The following FAAH2 variants were observed in gnomAD, a reference collection of about 807,000 sequenced individuals.
The protein encoded by FAAH2 is fatty-acid amide hydrolase 2.
Under a neutral mutation model 36.9 loss-of-function variants are expected in FAAH2, and 60 were observed. That is an observed-to-expected ratio of 1.63 (90% CI 1.32 to 2.02). The LOEUF is 2.02. FAAH2 is among the 30% of genes most tolerant of loss of function. FAAH2 has a pLI of 0.00. For missense variants in FAAH2, 689 were observed against 397.5 expected (o/e 1.73, Z -6.23); for synonymous variants, 214 against 143.8 (o/e 1.49, Z -3.49).
the FAAH2 span, among the ~76,000 whole-genome samples, chrX:57,149,267 C>T: frequency 9.0e-6 from 1 of 111,513 alleles, no homozygotes; most frequent in Non-Finnish European, 1.9e-5. Flanking sequence ...TGATGCTGGC[C>T]TTATAAAATG....
rs147482120 is a variant in FAAH2 at position 57,346,979 on chromosome X, T to C, written c.742+5589T>C. The stretch of plus-strand genomic sequence containing the variant: ...TTGAAAGTGACATGACCTTTTCCCT[T>C]ACTTGCCTTTAAGGATTTTACTTTT... On this transcript the variant is annotated intron_variant, in intron 5 of 10. Coordinates refer to ENST00000374900, the MANE Select transcript of FAAH2 (RefSeq NM_174912.4). Among the ~76,000 whole-genome samples, 365 of 111,075 alleles carry C rather than the reference T, an allele frequency of 3.3e-3. 1 individual carries two copies. Among genetic ancestry groups the C allele is most frequent in the Non-Finnish European group, 5.9e-3 (311 of 52,936 alleles).
intron 2 of FAAH2, among the ~76,000 whole-genome samples, chrX:57,299,578 T>G (rs2052272084): frequency 8.9e-6 from 1 of 111,931 alleles, no homozygotes; most frequent in African/African-American, 3.3e-5. Flanking sequence ...CCACTCCTAT[T>G]CAACATAGTG....
chrX:57,262,304 C>A, the FAAH2 span, among the ~76,000 whole-genome samples: 1 of 111,119 alleles, frequency 9.0e-6, no homozygotes, highest in Admixed American at 9.6e-5. Context: ...CTTCAAAACA[C>A]ACTTGAAATA....
the FAAH2 span, among the ~76,000 whole-genome samples, chrX:57,144,291 C>T: frequency 9.0e-6 from 1 of 110,914 alleles, no homozygotes; most frequent in Non-Finnish European, 1.9e-5. Context: ...TTGCAGTCAT[C>T]TTACTTAGTT....
intron 8 of FAAH2, among the ~76,000 whole-genome samples, chrX:57,442,702 C>T (rs1172404028): frequency 4.5e-5 from 5 of 111,896 alleles, no homozygotes; most frequent in African/African-American, 1.6e-4. Context: ...TTCTTTTTAG[C>T]ATTGACAGTT....
At chrX:57,223,083 C>T in the FAAH2 span, among the ~76,000 whole-genome samples, 1 of 112,284 alleles carries the variant, frequency 8.9e-6, no homozygotes, top group Admixed American at 9.4e-5. Flanking sequence ...CACACTCGTC[C>T]ATCTGGAAAA....
chrX:57,176,783 G>A, the FAAH2 span, among the ~76,000 whole-genome samples: 1 of 111,326 alleles, frequency 9.0e-6, no homozygotes, highest in African/African-American at 3.3e-5. Flanking sequence ...CTTTGAGTAT[G>A]TGACTTTAAT....
chrX:57,396,844 T>C (rs764591290), intron 7 of FAAH2, among the ~76,000 whole-genome samples: 2 of 112,234 alleles, frequency 1.8e-5, no homozygotes, highest in Non-Finnish European at 3.8e-5. Context: ...TGTAAATATC[T>C]ATGCGGTTCA....
the FAAH2 span, among the ~76,000 whole-genome samples, chrX:57,133,448 C>T: frequency 6.3e-5 from 7 of 111,594 alleles, no homozygotes; most frequent in Non-Finnish European, 1.1e-4. Flanking sequence ...CAAGTGCAAA[C>T]GCTTCCAGGG....
chrX:57,221,626 C>T, the FAAH2 span, among the ~76,000 whole-genome samples: 65 of 111,617 alleles, frequency 5.8e-4, no homozygotes, highest in South Asian at 1.9e-3. Context: ...GCTCATTAAC[C>T]AAGCTGTACT....
At chrX:57,376,995 T>A (rs1470081205) in intron 5 of FAAH2, among the ~76,000 whole-genome samples, 1 of 112,078 alleles carries the variant, frequency 8.9e-6, no homozygotes, top group Non-Finnish European at 1.9e-5. Context: ...ACCCACTTTT[T>A]GATGTTTTTG....
the FAAH2 span, among the ~76,000 whole-genome samples, chrX:57,144,447 G>T: frequency 9.6e-6 from 1 of 103,664 alleles, no homozygotes; most frequent in African/African-American, 3.5e-5. Flanking sequence ...TAACTCTGTG[G>T]GTTTTTTTTT....
chrX:57,361,095 T>G (rs1226614669), intron 5 of FAAH2, among the ~76,000 whole-genome samples: 1 of 111,297 alleles, frequency 9.0e-6, no homozygotes, highest in Non-Finnish European at 1.9e-5. Flanking sequence ...CCATAAATTT[T>G]TGGATAATTT....
chrX:57,419,744 A>T (rs1442398146), intron 7 of FAAH2, among the ~76,000 whole-genome samples: 1 of 111,453 alleles, frequency 9.0e-6, no homozygotes, highest in Non-Finnish European at 1.9e-5. Context: ...TTGTCAATTT[A>T]GGTTTTTGTT....
chrX:57,160,627 T>G, the FAAH2 span, among the ~76,000 whole-genome samples: 1 of 112,282 alleles, frequency 8.9e-6, no homozygotes, highest in Non-Finnish European at 1.9e-5. Context: ...TTTATTTGCC[T>G]AGAGGTGTTT....
At chrX:57,269,994 AAG>A in the FAAH2 span, among the ~76,000 whole-genome samples, 1 of 111,393 alleles carries the variant, frequency 9.0e-6, no homozygotes, top group Non-Finnish European at 1.9e-5. Flanking sequence ...TGAAGAAGAA[AAG>A]AGAGAATATT....
At chrX:57,427,167 G>C (rs1224293361) in intron 7 of FAAH2, among the ~76,000 whole-genome samples, 1 of 109,975 alleles carries the variant, frequency 9.1e-6, no homozygotes, top group Non-Finnish European at 1.9e-5. Context: ...GGAAACATAC[G>C]ACCTCCTAAG....
the FAAH2 span, among the ~76,000 whole-genome samples, chrX:57,164,791 G>A: frequency 2.7e-5 from 3 of 112,235 alleles, no homozygotes; most frequent in Non-Finnish European, 5.6e-5. Flanking sequence ...ACAACTCTTA[G>A]GTTGACTTTC....
the FAAH2 span, among the ~76,000 whole-genome samples, chrX:57,184,664 A>G: frequency 8.9e-6 from 1 of 112,815 alleles, no homozygotes; most frequent in Non-Finnish European, 1.9e-5. Flanking sequence ...ATAGATAACC[A>G]GAAAACTTCC....
Sources: allele counts gnomAD v4.1 joint callset (sites outside exome capture counted in the v4.1 genomes callset), GRCh38; gene constraint gnomAD v4.1.1; transcripts MANE v1.5; gene names NCBI Gene and HGNC (gene_info 2026-07-23, HGNC 2026-07-21).